The following SIL1 variants were observed in gnomAD, a reference collection of about 807,000 sequenced individuals.
SIL1 encodes SIL1 nucleotide exchange factor.
Under a neutral mutation model 49.1 loss-of-function variants are expected in SIL1, and 40 were observed. The observed-to-expected ratio is 0.81, with a 90% confidence interval of 0.63 to 1.06. SIL1 has a LOEUF of 1.06. Among genes scored for constraint, SIL1 ranks in the 50% least tolerant of loss-of-function variants. SIL1 has a pLI of 0.00. For synonymous variants in SIL1, 253 were observed against 250.8 expected (o/e 1.01, Z -0.08); for missense variants, 500 against 572.6 (o/e 0.87, Z 1.29).
At chr5:138,955,935 C>A (rs914783110) in intron 7 of SIL1, among the ~76,000 whole-genome samples, 10 of 152,094 alleles carry the variant, frequency 6.6e-5, no homozygotes, top group African/African-American at 2.4e-4. Flanking sequence ...CTGGAAAAGG[C>A]AGAGCTCTAG....
intron 3 of SIL1, among the ~76,000 whole-genome samples, chr5:139,056,405 G>A (rs565293770): frequency 1.4e-5 from 2 of 147,960 alleles, no homozygotes; most frequent in African/African-American, 2.5e-5. Context: ...CAACCACCCC[G>A]ACTGAGAAGT....
Position 138,947,791 on chromosome 5 carries a change from A to C in SIL1, c.1030-318T>G, listed in dbSNP as rs1158744943. 1.3e-5 allele frequency among the ~76,000 whole-genome samples: 2 copies of C among 152,238 alleles called. No individual in the cohort carries two copies. The highest frequency in any genetic ancestry group is 4.8e-5 in the African/African-American group (2 of 41,464). On this transcript the variant is annotated intron_variant, in intron 9 of 9. Coordinates refer to ENST00000394817, the MANE Select transcript of SIL1 (RefSeq NM_022464.5). This position sits in a 1 kb window ranked among gnomAD's most constrained non-coding sequence, Gnocchi z 4.1. ...TAGCATAAATGTAATCTAACAGTGC[A>C]GCATGGAGGCAGACAGGCTGGCTTC...
intron 1 of SIL1, among the ~76,000 whole-genome samples, chr5:139,187,003 A>G (rs547883768): frequency 6.6e-6 from 1 of 152,340 alleles, no homozygotes; most frequent in East Asian, 1.9e-4. Flanking sequence ...TTTTCATGTA[A>G]ACATCCATTC....
intron 7 of SIL1, among the ~76,000 whole-genome samples, chr5:139,007,822 T>C (rs1768157529): frequency 6.9e-6 from 1 of 144,196 alleles, no homozygotes. Flanking sequence ...CACTTGATCA[T>C]GGTGGATAAG....
At chr5:139,030,584 C>T (rs1362109488) in intron 5 of SIL1, among the ~76,000 whole-genome samples, 3 of 149,490 alleles carry the variant, frequency 2.0e-5, no homozygotes, top group African/African-American at 7.4e-5. Context: ...CCTGCCACTG[C>T]ACTCCAGCCT....
chr5:139,156,034 T>C (rs1413025738), intron 1 of SIL1, among the ~76,000 whole-genome samples: 1 of 152,128 alleles, frequency 6.6e-6, no homozygotes, highest in African/African-American at 2.4e-5. Context: ...GGTTTCTCCA[T>C]GTTGGCCAGG....
intron 7 of SIL1, among the ~76,000 whole-genome samples, chr5:138,959,917 C>T (rs534029854): frequency 6.6e-6 from 1 of 152,350 alleles, no homozygotes; most frequent in African/African-American, 2.4e-5. Context: ...CTCACATGAT[C>T]TTCTGATGAG....
At chr5:139,151,088 TGAA>T (rs1470744558) in intron 1 of SIL1, among the ~76,000 whole-genome samples, 6 of 152,160 alleles carry the variant, frequency 3.9e-5, no homozygotes, top group Admixed American at 6.5e-5. Flanking sequence ...AAATAGGTAT[TGAA>T]GAAGAAGGAG....
chr5:139,064,148 A>G (rs1409290544), intron 3 of SIL1, among the ~76,000 whole-genome samples: 1 of 152,156 alleles, frequency 6.6e-6, no homozygotes, highest in Non-Finnish European at 1.5e-5. Flanking sequence ...ATATGGTTCT[A>G]TGAATTATTT....
At chr5:139,191,392 G>A (rs577820703) in intron 1 of SIL1, among the ~76,000 whole-genome samples, 1 of 152,210 alleles carries the variant, frequency 6.6e-6, no homozygotes, top group African/African-American at 2.4e-5. Flanking sequence ...GCTGAAGCCT[G>A]CTAGTTTTCT....
chr5:139,167,476 CAA>C (rs1189413630), intron 1 of SIL1, among the ~76,000 whole-genome samples: 1 of 151,742 alleles, frequency 6.6e-6, no homozygotes, highest in Non-Finnish European at 1.5e-5. Context: ...TTATTTTTAA[CAA>C]AAAAAGTTTA....
At chr5:138,961,716 G>A (rs1767023265) in intron 7 of SIL1, among the ~76,000 whole-genome samples, 1 of 152,114 alleles carries the variant, frequency 6.6e-6, no homozygotes, top group Non-Finnish European at 1.5e-5. Context: ...CTGAAGCCAT[G>A]TGGGTCTCTT....
intron 1 of SIL1, among the ~76,000 whole-genome samples, chr5:139,163,512 G>T (rs902216769): frequency 1.3e-5 from 2 of 151,930 alleles, no homozygotes; most frequent in African/African-American, 2.4e-5. Flanking sequence ...TGGGATTACA[G>T]GTGCCCACCA....
intron 7 of SIL1, among the ~76,000 whole-genome samples, chr5:138,958,707 A>G (rs1044155318): frequency 6.6e-6 from 1 of 152,102 alleles, no homozygotes; most frequent in African/African-American, 2.4e-5. Flanking sequence ...GTAAGTATAT[A>G]ATGCAAATAT....
At chr5:138,971,739 A>C (rs1767282410) in intron 7 of SIL1, among the ~76,000 whole-genome samples, 1 of 152,190 alleles carries the variant, frequency 6.6e-6, no homozygotes, top group Admixed American at 6.5e-5. Context: ...TAATAGCTGC[A>C]AAAGTAGAAA....
At chr5:139,079,487 T>C (rs763199190) in intron 3 of SIL1, among the ~76,000 whole-genome samples, 1 of 152,186 alleles carries the variant, frequency 6.6e-6, no homozygotes, top group African/African-American at 2.4e-5. Context: ...ATCTCCACAA[T>C]TGAAAGGAAG....
intron 3 of SIL1, among the ~76,000 whole-genome samples, chr5:139,115,426 G>C (rs773257969): frequency 6.6e-6 from 1 of 152,052 alleles, no homozygotes; most frequent in African/African-American, 2.4e-5. Context: ...GATGGAGGCT[G>C]GTTGCCAGAA....
chr5:139,012,129 C>G (rs1768289176), intron 7 of SIL1, among the ~76,000 whole-genome samples: 1 of 152,198 alleles, frequency 6.6e-6, no homozygotes, highest in Admixed American at 6.5e-5. Flanking sequence ...TCATGGCTCA[C>G]TGCAGCCTCA....
chr5:139,084,847 G>A (rs996275745), intron 3 of SIL1, among the ~76,000 whole-genome samples: 10 of 152,112 alleles, frequency 6.6e-5, no homozygotes, highest in Non-Finnish European at 1.5e-4. Flanking sequence ...TTCTCACACT[G>A]TAATTCCCAT....
Sources: gnomAD v4.1 joint callset for allele counts (sites outside exome capture counted in the v4.1 genomes callset) on GRCh38, gnomAD v4.1.1 for gene constraint, Gnocchi (gnomAD v3.1) non-coding constraint, MANE v1.5 for transcripts, NCBI Gene and HGNC (gene_info 2026-07-23, HGNC 2026-07-21) for gene names.